Variants in ITGBL1 observed in about 807,000 individuals in gnomAD.
The protein encoded by ITGBL1 is integrin beta-like protein 1.
A neutral mutation model predicts 68.5 loss-of-function variants in ITGBL1; 51 were observed. That is an observed-to-expected ratio of 0.74 (90% CI 0.59 to 0.94). The LOEUF (loss-of-function observed/expected upper bound fraction) is 0.94, where lower values mean the gene tolerates loss of function less well. ITGBL1 is among the 40% of genes least tolerant of loss of function. The pLI is 0.00. For synonymous variants in ITGBL1, 209 were observed against 227.3 expected (o/e 0.92, Z 0.72); for missense variants, 649 against 647.4 (o/e 1.00, Z -0.03).
intron 7 of ITGBL1, among the ~76,000 whole-genome samples, chr13:101,665,963 G>C (rs1301948820): frequency 6.6e-6 from 1 of 152,084 alleles, no homozygotes; most frequent in African/African-American, 2.4e-5. Context: ...GATCCTTGTA[G>C]CCAGGGATAA....
intron 7 of ITGBL1, among the ~76,000 whole-genome samples, chr13:101,636,654 C>G (rs780998012): frequency 4.6e-5 from 7 of 152,100 alleles, no homozygotes; most frequent in Admixed American, 4.6e-4. Flanking sequence ...TAGCATTGAA[C>G]TACTTAAAAA....
chr13:101,636,083 T>C (rs1252856214), intron 7 of ITGBL1, among the ~76,000 whole-genome samples: 1 of 152,118 alleles, frequency 6.6e-6, no homozygotes, highest in Non-Finnish European at 1.5e-5. Context: ...TATTTAATAC[T>C]TTTCCTTGTA....
intron 4 of ITGBL1, among the ~76,000 whole-genome samples, 157 bp from the exon 5 acceptor site, chr13:101,579,130 G>A (rs2050411678): frequency 6.6e-6 from 1 of 152,214 alleles, no homozygotes; most frequent in East Asian, 1.9e-4. Context: ...ACCATGATGT[G>A]TTTGGAGAAA....
At chr13:101,617,615 T>C (rs965587864) in intron 7 of ITGBL1, among the ~76,000 whole-genome samples, 2 of 152,172 alleles carry the variant, frequency 1.3e-5, no homozygotes, top group African/African-American at 4.8e-5. Context: ...TCTCATTATA[T>C]AAAAATACAG....
chr13:101,504,098 T>C (rs555171538), intron 2 of ITGBL1, among the ~76,000 whole-genome samples: 2 of 152,322 alleles, frequency 1.3e-5, no homozygotes, highest in South Asian at 4.1e-4. Context: ...TGAAGACATA[T>C]TTTTGCTAAA....
At chr13:101,573,542 G>A (rs761133891) in intron 3 of ITGBL1, among the ~76,000 whole-genome samples, 45 of 152,078 alleles carry the variant, frequency 3.0e-4, no homozygotes, top group Non-Finnish European at 4.9e-4. Flanking sequence ...TGGGAGAAGA[G>A]GAAGAACCCA....
At chr13:101,562,908 G>A (rs2050123363) in intron 2 of ITGBL1, among the ~76,000 whole-genome samples, 1 of 151,600 alleles carries the variant, frequency 6.6e-6, no homozygotes, top group African/African-American at 2.4e-5. Flanking sequence ...CATAATAGAA[G>A]CCTTCAGAAA....
chr13:101,521,106 T>C (rs1007146377), intron 2 of ITGBL1, among the ~76,000 whole-genome samples: 5 of 152,182 alleles, frequency 3.3e-5, no homozygotes, highest in African/African-American at 1.2e-4. Flanking sequence ...ATTTACAAAC[T>C]CTGGGTCGAT....
intron 2 of ITGBL1, among the ~76,000 whole-genome samples, chr13:101,565,817 C>G (rs923612878): frequency 2.6e-5 from 4 of 152,110 alleles, no homozygotes; most frequent in Non-Finnish European, 5.9e-5. Flanking sequence ...CCTCCATGAA[C>G]CCACTTCAGG....
At chr13:101,608,283 C>G (rs1214745484) in intron 7 of ITGBL1, among the ~76,000 whole-genome samples, 2 of 151,932 alleles carry the variant, frequency 1.3e-5, no homozygotes, top group African/African-American at 4.8e-5. Context: ...AATGAAGTCA[C>G]AATTTATCTT....
intron 7 of ITGBL1, among the ~76,000 whole-genome samples, chr13:101,643,162 C>A (rs989233494): frequency 6.6e-6 from 1 of 151,736 alleles, no homozygotes; most frequent in Non-Finnish European, 1.5e-5. Flanking sequence ...GGCAGTATGG[C>A]CATTTTCATG....
At chr13:101,623,678 C>A (rs1015111814) in intron 7 of ITGBL1, among the ~76,000 whole-genome samples, 1 of 152,168 alleles carries the variant, frequency 6.6e-6, no homozygotes, top group African/African-American at 2.4e-5. Flanking sequence ...GTAAAGAAAT[C>A]TGTTGTAATC....
chr13:101,466,550 G>A (rs1178802325), intron 2 of ITGBL1, among the ~76,000 whole-genome samples: 3 of 152,038 alleles, frequency 2.0e-5, no homozygotes, highest in Non-Finnish European at 2.9e-5. Context: ...TTCTCACCTT[G>A]TATGCTCCCA....
chr13:101,525,423 T>C (rs1389364789), intron 2 of ITGBL1, among the ~76,000 whole-genome samples: 1 of 151,532 alleles, frequency 6.6e-6, no homozygotes, highest in East Asian at 1.9e-4. Flanking sequence ...ACCTTGTCTA[T>C]TGCAACTAAA....
chr13:101,647,603 C>A (rs2032603651), intron 7 of ITGBL1, among the ~76,000 whole-genome samples: 1 of 152,152 alleles, frequency 6.6e-6, no homozygotes. Flanking sequence ...CCCTCTCAGG[C>A]CATTTGCTGA....
At position 101,618,759 on chromosome 13, in the gene ITGBL1, A is replaced by G. The variant is rs1332317549; in HGVS notation, c.1015+20460A>G. Among the ~76,000 whole-genome samples, 27 of 152,164 alleles carry G rather than the reference A, an allele frequency of 1.8e-4. 1 individual carries two copies. The highest frequency in any genetic ancestry group is 1.8e-3 in the Admixed American group (27 of 15,264). On this transcript the variant is annotated intron_variant, in intron 7 of 10. Transcript: ENST00000376180. The stretch of plus-strand genomic sequence containing the variant: ...CTACTGCAGATGGATTTTTCTCCAT[A>G]CAGGAGGAACATGGATTTTAGCATC...
chr13:101,622,778 G>T (rs2139390988), intron 7 of ITGBL1, among the ~76,000 whole-genome samples: 1 of 152,164 alleles, frequency 6.6e-6, no homozygotes, highest in South Asian at 2.1e-4. Flanking sequence ...AGAGATCCAT[G>T]AATAGAAAAT....
intron 2 of ITGBL1, among the ~76,000 whole-genome samples, chr13:101,488,105 A>C (rs1225842080): frequency 6.6e-6 from 1 of 152,146 alleles, no homozygotes; most frequent in East Asian, 1.9e-4. Flanking sequence ...GTAAACAGAT[A>C]CTGGTTTTTC....
chr13:101,514,813 C>T (rs2049169703), intron 2 of ITGBL1, among the ~76,000 whole-genome samples: 1 of 152,068 alleles, frequency 6.6e-6, no homozygotes, highest in Admixed American at 6.6e-5. Context: ...CTTATTCCAA[C>T]TTAGATGCCT....
Sources: allele counts gnomAD v4.1 joint callset (sites outside exome capture counted in the v4.1 genomes callset), GRCh38; gene constraint gnomAD v4.1.1; transcripts MANE v1.5; gene names NCBI Gene and HGNC (gene_info 2026-07-23, HGNC 2026-07-21).